The following HS2ST1 variants were observed in gnomAD, a reference collection of about 807,000 sequenced individuals.
HS2ST1 encodes 2-O-sulfotransferase.
Under a neutral mutation model 42.9 loss-of-function variants are expected in HS2ST1, and 18 were observed. The observed-to-expected ratio is 0.42, with a 90% CI of 0.29 to 0.62. The LOEUF (loss-of-function observed/expected upper bound fraction) is 0.62, where lower values mean the gene tolerates loss of function less well. HS2ST1 is among the 20% of genes least tolerant of loss of function. HS2ST1 has a pLI of 0.21. For synonymous variants in HS2ST1, 146 were observed against 152.9 expected (o/e 0.95, Z 0.33); for missense variants, 334 against 433.8 (o/e 0.77, Z 2.04).
chr1:86,944,663 A>G (rs910012145), intron 1 of HS2ST1, among the ~76,000 whole-genome samples: 3 of 152,084 alleles, frequency 2.0e-5, no homozygotes, highest in Non-Finnish European at 4.4e-5. Flanking sequence ...CAAAATTGAC[A>G]TGCTTTTCTG....
intron 1 of HS2ST1, among the ~76,000 whole-genome samples, chr1:87,027,888 C>T (rs2100593096): frequency 6.6e-6 from 1 of 152,314 alleles, no homozygotes; most frequent in South Asian, 2.1e-4. Context: ...TGGGGTTTCA[C>T]CATGTTGGCC....
Position 87,106,178 on chromosome 1 carries a change from C to T in HS2ST1, c.*1482C>T, listed in dbSNP as rs941744585. On this transcript the variant is annotated 3_prime_UTR_variant, in exon 7 of 7. Transcript: ENST00000370550. Reference sequence around the variant, plus strand: ...AGAAAGGGAAAAGTCTGCTTGTAAGCTGGTTGAAAAAGTTAATCTTGATAT... The same window carrying T: ...AGAAAGGGAAAAGTCTGCTTGTAAGTTGGTTGAAAAAGTTAATCTTGATAT... 2.6e-5 allele frequency: 4 copies of T among 152,468 alleles called. No homozygotes were observed. Among genetic ancestry groups the T allele is most frequent in the African/African-American group, 9.7e-5 (4 of 41,430 alleles). The allele number at this position is 152,468 out of a possible 1,614,324, so 9.4% of individuals were successfully genotyped here.
intron 3 of HS2ST1, among the ~76,000 whole-genome samples, chr1:87,090,317 C>A (rs975792377): frequency 6.6e-6 from 1 of 152,020 alleles, no homozygotes; most frequent in Non-Finnish European, 1.5e-5. Flanking sequence ...GGTGGAACTT[C>A]TACTCTAATA....
At chr1:87,098,321 C>T (rs1652119478) in intron 5 of HS2ST1, 3 of 988,580 alleles carry the variant, frequency 3.0e-6, no homozygotes, top group Admixed American at 6.0e-5. Context: ...TTAAAATTCA[C>T]CTGGTTTTAC....
At chr1:87,093,942 ATAAC>A (rs1383584460) in intron 4 of HS2ST1, among the ~76,000 whole-genome samples, 2 of 152,066 alleles carry the variant, frequency 1.3e-5, no homozygotes, top group Admixed American at 1.3e-4. Context: ...CCAAACACAG[ATAAC>A]TAACCAAATC....
At chr1:87,026,033 G>A (rs534367600) in intron 1 of HS2ST1, among the ~76,000 whole-genome samples, 37 of 152,172 alleles carry the variant, frequency 2.4e-4, no homozygotes, top group Non-Finnish European at 4.9e-4. Context: ...GCTAAAGTGA[G>A]CCAATAGATT....
At chr1:87,081,442 A>T (rs1201679242) in intron 2 of HS2ST1, among the ~76,000 whole-genome samples, 1 of 152,240 alleles carries the variant, frequency 6.6e-6, no homozygotes, top group African/African-American at 2.4e-5. Flanking sequence ...CTGAGTGACC[A>T]GTGGGTCAAT....
In HS2ST1 at chr1:87,045,385, G is replaced by C. The variant is rs1650624808; in HGVS notation, c.125-27549G>C. 7 of 1,458,646 alleles carry C rather than the reference G, an allele frequency of 4.8e-6. 1 individual carries two copies. The African/African-American group carries it at 8.4e-5, about 17-fold the overall frequency. 90.4% of individuals were successfully genotyped at this position (1,458,646 alleles called of 1,614,324 possible). ...TCTCTCCCTTTTCAGAAGATATTAG[G>C]ATTGTTCCTTTCCCATCTTCAATTT... On this transcript the variant is annotated intron_variant, in intron 1 of 6. Transcript: ENST00000370550.
At position 87,050,019 on chromosome 1, in the gene HS2ST1, ATTC is replaced by A. The variant is rs1380048556; in HGVS notation, c.125-22912_125-22910del. ...AATGATCCTTTTTATCTTTGCCAGT[ATTC>A]TTTACTCTGAAATCCATTTGTCATG... On this transcript the variant is annotated intron_variant, in intron 1 of 6. Coordinates refer to ENST00000370550, the MANE Select transcript of HS2ST1 (RefSeq NM_012262.4). Among the ~76,000 whole-genome samples, 7 of 152,020 alleles carry A rather than the reference ATTC, an allele frequency of 4.6e-5. No homozygotes were observed. The South Asian group carries it at 6.2e-4, about 13-fold the overall frequency.
At position 86,968,847 on chromosome 1, in the gene HS2ST1, C is replaced by T. The variant is rs115666229; in HGVS notation, c.124+53687C>T. Among the ~76,000 whole-genome samples the T allele has an allele frequency of 5.4e-3, 821 of 151,810 alleles. 9 individuals are homozygous for T. Among genetic ancestry groups the T allele is most frequent in the African/African-American group, 0.019 (776 of 41,292 alleles). Reference sequence around the variant, plus strand: ...AGAAATCATATTTTTGGGAATTTAACTCTGTTAAAAATGAATGTTGTAAAC... The same window carrying T: ...AGAAATCATATTTTTGGGAATTTAATTCTGTTAAAAATGAATGTTGTAAAC... On this transcript the variant is annotated intron_variant, in intron 1 of 6. Coordinates refer to ENST00000370550, the MANE Select transcript of HS2ST1 (RefSeq NM_012262.4).
At chr1:87,005,510 C>G (rs1649413734) in intron 1 of HS2ST1, among the ~76,000 whole-genome samples, 1 of 152,084 alleles carries the variant, frequency 6.6e-6, no homozygotes, top group Non-Finnish European at 1.5e-5. Flanking sequence ...AAATAAACAT[C>G]AGTGATTTAC....
intron 5 of HS2ST1, among the ~76,000 whole-genome samples, chr1:87,099,458 C>G (rs747611099): frequency 6.6e-6 from 1 of 152,150 alleles, no homozygotes; most frequent in Non-Finnish European, 1.5e-5. Flanking sequence ...TGAGCGAGAG[C>G]TCAGTTATCA....
chr1:86,932,375 A>T (rs1307564767), intron 1 of HS2ST1: 2 of 152,052 alleles, frequency 1.3e-5, no homozygotes, highest in Admixed American at 1.3e-4. Context: ...TTAATGTTAT[A>T]ATTCTCCTGG....
At chr1:86,937,478 A>C (rs1230969507) in intron 1 of HS2ST1, among the ~76,000 whole-genome samples, 1 of 152,178 alleles carries the variant, frequency 6.6e-6, no homozygotes, top group Admixed American at 6.5e-5. Context: ...ATTTGTGATA[A>C]CTTTAAGATG....
chr1:87,104,007 C>T (rs1475513748), intron 6 of HS2ST1, among the ~76,000 whole-genome samples: 21 of 152,086 alleles, frequency 1.4e-4, no homozygotes, highest in Non-Finnish European at 1.2e-4. Flanking sequence ...TGTTTTGTTT[C>T]GTTTTTTGCT....
intron 1 of HS2ST1, among the ~76,000 whole-genome samples, chr1:86,998,932 T>C (rs1189183917): frequency 6.6e-6 from 1 of 152,214 alleles, no homozygotes; most frequent in Admixed American, 6.5e-5. Flanking sequence ...TACTGACTCA[T>C]AATCTGCATT....
intron 1 of HS2ST1, among the ~76,000 whole-genome samples, chr1:87,011,914 A>G (rs1057248335): frequency 2.6e-5 from 4 of 152,210 alleles, no homozygotes; most frequent in African/African-American, 9.6e-5. Flanking sequence ...TTTTATTTAT[A>G]TTGTTTAGTG....
intron 1 of HS2ST1, among the ~76,000 whole-genome samples, chr1:86,971,749 A>G (rs1259848727): frequency 6.6e-6 from 1 of 152,130 alleles, no homozygotes; most frequent in Non-Finnish European, 1.5e-5. Flanking sequence ...TTTGATCAAG[A>G]ATTTGTAGGA....
intron 1 of HS2ST1, among the ~76,000 whole-genome samples, chr1:87,005,974 A>C (rs1649428097): frequency 6.6e-6 from 1 of 152,108 alleles, no homozygotes; most frequent in Non-Finnish European, 1.5e-5. Flanking sequence ...AGAAAGATTT[A>C]TTTCTAGAGC....
Sources: gnomAD v4.1 joint callset for allele counts (sites outside exome capture counted in the v4.1 genomes callset) on GRCh38, gnomAD v4.1.1 for gene constraint, MANE v1.5 for transcripts, NCBI Gene and HGNC (gene_info 2026-07-23, HGNC 2026-07-21) for gene names.